PINK1: variants seen among roughly 807,000 people sequenced by gnomAD.
PINK1 encodes the protein serine/threonine-protein kinase PINK1, mitochondrial.
PINK1 carries 58 observed loss-of-function variants against 56.0 expected under a neutral mutation model. The ratio of observed to expected loss-of-function variants is 1.04; its 90% CI spans 0.84 to 1.29. PINK1 has a LOEUF of 1.29. Among genes scored for constraint, PINK1 ranks in the 50% most tolerant of loss-of-function variants. The pLI is 0.00. For missense variants in PINK1, 745 were observed against 777.9 expected (o/e 0.96, Z 0.50); for synonymous variants, 354 against 339.3 (o/e 1.04, Z -0.48).
At chr1:20,650,392 T>A in intron 7 of PINK1, 42 bp from the exon 8 acceptor site, 1 of 1,611,888 alleles carries the variant, frequency 6.2e-7, no homozygotes, top group Non-Finnish European at 8.5e-7. Context: ...GTTGAGACTG[T>A]GTTAACAGAT....
chr1:20,635,151 A>G (rs780530838), intron 1 of PINK1, among the ~76,000 whole-genome samples: 2 of 152,188 alleles, frequency 1.3e-5, no homozygotes, highest in Non-Finnish European at 2.9e-5. Context: ...CCTTCTTCGC[A>G]CACTTCACCC....
intron 5 of PINK1, among the ~76,000 whole-genome samples, chr1:20,647,918 T>G (rs756850629): frequency 3.3e-5 from 5 of 152,120 alleles, no homozygotes; most frequent in Non-Finnish European, 7.4e-5. Context: ...GTTCAAGTAA[T>G]TCTCCTGTCT....
In PINK1 at chr1:20,637,921, A is replaced by G; in HGVS notation, c.467A>G (p.Tyr156Cys). The G allele has an allele frequency of 6.2e-7, 1 of 1,614,196 alleles. No homozygotes were observed. The highest frequency in any genetic ancestry group is 8.5e-7 in the Non-Finnish European group (1 of 1,180,032). The part of the protein sequence containing the change: ...RRLQGFRLEE[Y>C]LIGQSIGKGC... ...TTGCAGGGCTTTCGGCTGGAGGAGT[A>G]TCTGATAGGGCAGTCCATTGGTAAG... Residue 156 changes from tyrosine to cysteine, a missense_variant, in exon 2 of 8, where the codon TAT becomes TGT. Physicochemically the swap from Tyr to Cys is radical, Grantham distance 194. Transcript: ENST00000321556.
chr1:20,646,111 A>G (rs927169451), intron 5 of PINK1, among the ~76,000 whole-genome samples: 1 of 151,982 alleles, frequency 6.6e-6, no homozygotes, highest in African/African-American at 2.4e-5. Flanking sequence ...TTCTCTACAA[A>G]AAAAAAATAT....
chr1:20,650,831 G>A lies in PINK1; in HGVS notation c.*140G>A, dbSNP rs527584809. ...TTAGCCGGAAAAGGCCTCGGGCTTG[G>A]CAAATGGAAGAACTTGAGTGAGAGT... On this transcript the variant is annotated 3_prime_UTR_variant, in exon 8 of 8. Coordinates refer to ENST00000321556, the MANE Select transcript of PINK1 (RefSeq NM_032409.3). 9.8e-6 allele frequency: 11 copies of A among 1,122,490 alleles called. No homozygotes were observed. In the African/African-American group the frequency reaches 1.2e-4, roughly 13 times the overall value. 69.5% of individuals were successfully genotyped at this position (1,122,490 alleles called of 1,614,324 possible). A position where few individuals can be genotyped will look rare whatever the true frequency, so the allele number is the denominator to read the frequency against.
intron 3 of PINK1, among the ~76,000 whole-genome samples, chr1:20,643,343 G>A (rs60637577): frequency 3.9e-4 from 60 of 152,370 alleles, no homozygotes; most frequent in African/African-American, 1.4e-3. Context: ...TGGTTTGGGG[G>A]TCGGGGGGCG....
rs945465729 is a variant in PINK1, at chr1:20,641,846, C to T, written c.776+1854C>T. 2.0e-5 allele frequency among the ~76,000 whole-genome samples: 3 copies of T among 152,188 alleles called. No individual in the cohort carries two copies. The South Asian group carries it at 6.2e-4, about 32-fold the overall frequency. On this transcript the variant is annotated intron_variant, in intron 3 of 7. Transcript: ENST00000321556. The surrounding 1 kb of genome is among the most constrained non-coding windows in gnomAD (Gnocchi z 4.0). ...GACCATCTCTTGAGCGTACAGCTGGCTATACCTGGGCTGCCCTCCTCCCAC... is the reference window on the plus strand; with the variant it reads ...GACCATCTCTTGAGCGTACAGCTGGTTATACCTGGGCTGCCCTCCTCCCAC...
At chr1:20,648,697 G>A in intron 6 of PINK1, 65 bp downstream of exon 6, 2 of 1,600,054 alleles carry the variant, frequency 1.2e-6, no homozygotes, top group Non-Finnish European at 8.5e-7. Flanking sequence ...GAATGCAGGA[G>A]ACTCGATGCC....
Position 20,646,201 on chromosome 1 carries a change from C to T in PINK1, c.1123+478C>T, listed in dbSNP as rs12403084. Among the ~76,000 whole-genome samples, 1,072 of 151,746 alleles carry T rather than the reference C, an allele frequency of 7.1e-3. 14 individuals are homozygous for T. The highest frequency in any genetic ancestry group is 0.016 in the Admixed American group (247 of 15,226). The stretch of plus-strand genomic sequence containing the variant: ...CCCCAGCTACTTGGGAGGCTGAGGT[C>T]GGAGGATCACTTGAGCCTAGGAGTT... On this transcript the variant is annotated intron_variant, in intron 5 of 7. Coordinates refer to ENST00000321556, the MANE Select transcript of PINK1 (RefSeq NM_032409.3).
At chr1:20,645,502 A>AAAACGT in intron 4 of PINK1, 58 bp from the exon 5 acceptor site, 1 of 1,528,818 alleles carries the variant, frequency 6.5e-7, no homozygotes, top group Non-Finnish European at 9.0e-7. Flanking sequence ...AAAAAAAAAA[A>AAAACGT]AACGTATTGG....
At chr1:20,649,407 T>A in intron 7 of PINK1, 176 bp downstream of exon 7, 1 of 639,084 alleles carries the variant, frequency 1.6e-6, no homozygotes, top group Non-Finnish European at 2.7e-6. Context: ...GTAGGAGCAC[T>A]AGCCACCACA....
chr1:20,642,101 C>A (rs762373931), intron 3 of PINK1, among the ~76,000 whole-genome samples: 2 of 152,172 alleles, frequency 1.3e-5, no homozygotes, highest in Non-Finnish European at 2.9e-5. Context: ...CGTGGGCACA[C>A]GTGGACTGCA....
rs1445345447 is a variant in PINK1 at position 20,641,362 on chromosome 1, G to A, written c.776+1370G>A. Among the ~76,000 whole-genome samples, 2 of 152,096 alleles carry A rather than the reference G, an allele frequency of 1.3e-5. No individual in the cohort carries two copies. Among genetic ancestry groups the A allele is most frequent in the Non-Finnish European group, 2.9e-5 (2 of 68,032 alleles). On this transcript the variant is annotated intron_variant, in intron 3 of 7. Transcript: ENST00000321556. This position sits in a 1 kb window ranked among gnomAD's most constrained non-coding sequence, Gnocchi z 4.0. The stretch of plus-strand genomic sequence containing the variant: ...GTGGCATGAGTGGCAGCCGGCCGAC[G>A]TGGTGCTGTCCTGCTGCCGGAGCAC...
intron 5 of PINK1, chr1:20,648,286 T>G (rs992702178): frequency 1.6e-6 from 1 of 617,036 alleles, no homozygotes; most frequent in African/African-American, 1.8e-5. Context: ...CACAGTCCTT[T>G]GCCTGGGGAT....
Position 20,633,874 on chromosome 1 carries a change from GCCTCATCGAGGAAAAACAGGCGGAGAGC to G in PINK1, c.328_355del (p.Leu110GlyfsTer39). 6.3e-7 allele frequency: 1 copy of G among 1,580,600 alleles called. No individual in the cohort carries two copies. The highest frequency in any genetic ancestry group is 8.6e-7 in the Non-Finnish European group (1 of 1,165,434). On this transcript the variant is annotated frameshift_variant, in exon 1 of 8. Coordinates refer to ENST00000321556, the MANE Select transcript of PINK1 (RefSeq NM_032409.3). LOFTEE classifies it high-confidence loss of function. ...TTTCTGGCCTTCGGGCTAGGGCTGG[GCCTCATCGAGGAAAAACAGGCGGAGAGC>G]CGGCGGGCGGTCTCGGCCTGTCAGG...
intron 5 of PINK1, among the ~76,000 whole-genome samples, chr1:20,647,463 T>TG (rs2053197659): frequency 7.8e-6 from 1 of 128,574 alleles, no homozygotes; most frequent in Non-Finnish European, 1.6e-5. Context: ...AGCTGGGAGT[T>TG]GGCTTTTTTT....
At chr1:20,650,092 A>C in intron 7 of PINK1, 1 of 381,218 alleles carries the variant, frequency 2.6e-6, no homozygotes, top group East Asian at 6.2e-5. Context: ...AGTGAAGGTT[A>C]GAACAACAGC....
rs2053118536 is a variant in PINK1 at position 20,641,838 on chromosome 1, A to T, written c.776+1846A>T. On this transcript the variant is annotated intron_variant, in intron 3 of 7. Transcript: ENST00000321556. The surrounding 1 kb of genome is among the most constrained non-coding windows in gnomAD (Gnocchi z 4.0). Reference sequence around the variant, plus strand: ...TTCTCTGTGACCATCTCTTGAGCGTACAGCTGGCTATACCTGGGCTGCCCT... The same window carrying T: ...TTCTCTGTGACCATCTCTTGAGCGTTCAGCTGGCTATACCTGGGCTGCCCT... 6.6e-6 allele frequency among the ~76,000 whole-genome samples: 1 copy of T among 152,154 alleles called. No homozygotes were observed. The highest frequency in any genetic ancestry group is 2.4e-5 in the African/African-American group (1 of 41,424).
In PINK1 at chr1:20,641,244, G is replaced by A. The variant is rs912408814; in HGVS notation, c.776+1252G>A. Among the ~76,000 whole-genome samples, 1 of 152,162 alleles carries A rather than the reference G, an allele frequency of 6.6e-6. No homozygotes were observed. The highest frequency in any genetic ancestry group is 1.5e-5 in the Non-Finnish European group (1 of 68,026). On this transcript the variant is annotated intron_variant, in intron 3 of 7. Transcript: ENST00000321556. This position sits in a 1 kb window ranked among gnomAD's most constrained non-coding sequence, Gnocchi z 4.0. ...CAGGCCGGTGGAGGTAGCTGCTCAA[G>A]TGGCTGCTGCTTCTCCTGAGGCCTT...
Sources: gnomAD v4.1 joint callset for allele counts (sites outside exome capture counted in the v4.1 genomes callset) on GRCh38, gnomAD v4.1.1 for gene constraint, Gnocchi (gnomAD v3.1) non-coding constraint, MANE v1.5 for transcripts, NCBI Gene and HGNC (gene_info 2026-07-23, HGNC 2026-07-21) for gene names.